KMT2A: variants seen among roughly 807,000 people sequenced by gnomAD.
KMT2A encodes histone-lysine N-methyltransferase 2A.
In KMT2A, 16 loss-of-function variants were observed where a neutral mutation model predicts 345.3. That is an observed-to-expected ratio of 0.05 (90% confidence interval 0.03 to 0.07). The LOEUF (loss-of-function observed/expected upper bound fraction) is 0.07, where lower values mean the gene tolerates loss of function less well. KMT2A is among the 10% of genes least tolerant of loss of function. The pLI, the probability that KMT2A is intolerant of heterozygous loss-of-function variation, is 1.00. For missense variants in KMT2A, 3,272 were observed against 4,841.6 expected (o/e 0.68, Z 9.62); for synonymous variants, 1,599 against 1,778.6 (o/e 0.90, Z 2.54).
chr11:118,452,316 G>T (rs998190379), intron 1 of KMT2A, among the ~76,000 whole-genome samples: 4 of 152,216 alleles, frequency 2.6e-5, no homozygotes, highest in South Asian at 4.1e-4. Context: ...AGGAAGGACC[G>T]CATGAGCTCA....
rs1370860637 is a variant in KMT2A at position 118,520,578 on chromosome 11, G to A, written c.11430-224G>A. On this transcript the variant is annotated intron_variant, in intron 33 of 35. Coordinates refer to ENST00000534358, the MANE Select transcript of KMT2A (RefSeq NM_001197104.2). This position sits in a 1 kb window ranked among gnomAD's most constrained non-coding sequence, Gnocchi z 4.3. ...AGGCAAGAGAATCGCTTGAACCCAG[G>A]AGGCGGAGGTTACAGTGAGCCGAGA... The A allele has an allele frequency of 3.8e-6, 2 of 523,606 alleles. No homozygotes were observed. The highest frequency in any genetic ancestry group is 6.9e-6 in the Non-Finnish European group (2 of 289,476). 32.4% of individuals were successfully genotyped at this position (523,606 alleles called of 1,614,324 possible).
At chr11:118,492,115 C>A (rs892838063) in intron 15 of KMT2A, among the ~76,000 whole-genome samples, 187 bp downstream of exon 15, 21 of 152,212 alleles carry the variant, frequency 1.4e-4, no homozygotes, top group African/African-American at 5.1e-4. Context: ...GGAGCTGTAT[C>A]TTCAAAGGTC....
Position 118,525,033 on chromosome 11 carries a change from C to A in KMT2A, c.*2861C>A. On this transcript the variant is annotated 3_prime_UTR_variant, in exon 36 of 36. Transcript: ENST00000534358. ...TCTAGCTCAGCCTTGAGTCCATTGC[C>A]AAATTTTCAGCACACCTGCCAGCAA... 4.7e-6 allele frequency: 1 copy of A among 213,714 alleles called. No individual in the cohort carries two copies. Among genetic ancestry groups the A allele is most frequent in the Non-Finnish European group, 9.5e-6 (1 of 105,434 alleles). 13.2% of individuals were successfully genotyped at this position (213,714 alleles called of 1,614,324 possible). A position where few individuals can be genotyped will look rare whatever the true frequency, so the allele number is the denominator to read the frequency against.
rs1950324106 is a variant in KMT2A at position 118,491,524 on chromosome 11, G to A, written c.4819+206G>A. On this transcript the variant is annotated intron_variant, in intron 14 of 35. Coordinates refer to ENST00000534358, the MANE Select transcript of KMT2A (RefSeq NM_001197104.2). The surrounding 1 kb of genome is among the most constrained non-coding windows in gnomAD (Gnocchi z 4.2). The stretch of plus-strand genomic sequence containing the variant: ...TTAAAGTATTTATTTGCTGTCCTTT[G>A]TGTGTTCCATAACCTGATTCTCAAT... Among the ~76,000 whole-genome samples the A allele has an allele frequency of 1.3e-5, 2 of 152,076 alleles. No homozygotes were observed. Among genetic ancestry groups the A allele is most frequent in the Non-Finnish European group, 2.9e-5 (2 of 68,002 alleles).
chr11:118,466,458 G>A (rs1949845684), intron 1 of KMT2A, among the ~76,000 whole-genome samples: 1 of 152,224 alleles, frequency 6.6e-6, no homozygotes, highest in Non-Finnish European at 1.5e-5. Context: ...TGCTGGCCAA[G>A]AGAGAATTTT....
chr11:118,467,060 T>C (rs546071196), intron 1 of KMT2A, among the ~76,000 whole-genome samples: 1 of 151,864 alleles, frequency 6.6e-6, no homozygotes, highest in Non-Finnish European at 1.5e-5. Context: ...TAAATTTAGG[T>C]TTCATACATT....
At chr11:118,481,694 G>A (rs1156443747) in intron 6 of KMT2A, 21 bp from the exon 7 acceptor site, 2 of 1,595,924 alleles carry the variant, frequency 1.3e-6, no homozygotes, top group Non-Finnish European at 1.7e-6. Context: ...GACAGATGAT[G>A]TTGTTGTGTT....
In KMT2A at chr11:118,503,211, T is replaced by C. The variant is rs781927823; in HGVS notation, c.7319T>C (p.Phe2440Ser). The C allele has an allele frequency of 6.2e-7, 1 of 1,614,052 alleles. No individual in the cohort carries two copies. Among genetic ancestry groups the C allele is most frequent in the Non-Finnish European group, 8.5e-7 (1 of 1,179,982 alleles). Residue 2440 changes from phenylalanine (F) to serine (S), a missense_variant, in exon 27 of 36, where the codon TTC (phenylalanine) becomes TCC (serine). Phe to Ser is a radical substitution (Grantham distance 155). Coordinates refer to ENST00000534358, the MANE Select transcript of KMT2A (RefSeq NM_001197104.2). This position sits in a 1 kb window ranked among gnomAD's most constrained non-coding sequence, Gnocchi z 5.3. ...GGGAAAAAATCCTGTAAAGAAACTT[T>C]CAAAGAAAAGCATTCCAGTAAATCT... ...QKGKKSCKETFKEKHSSKSFL... is the reference protein window; with the variant it reads ...QKGKKSCKETSKEKHSSKSFL...
At chr11:118,475,675 A>G (rs1461831818) in intron 3 of KMT2A, among the ~76,000 whole-genome samples, 3 of 152,112 alleles carry the variant, frequency 2.0e-5, no homozygotes, top group Non-Finnish European at 4.4e-5. Context: ...GTGAGCCGAG[A>G]TCACGGCACT....
In KMT2A at chr11:118,487,695, G is replaced by A. The variant is rs9332802; in HGVS notation, c.4333-919G>A. Among the ~76,000 whole-genome samples, 287 of 152,128 alleles carry A rather than the reference G, an allele frequency of 1.9e-3. 2 individuals are homozygous for A. The highest frequency in any genetic ancestry group is 0.014 in the Admixed American group (208 of 15,280). On this transcript the variant is annotated intron_variant, in intron 10 of 35. Coordinates refer to ENST00000534358, the MANE Select transcript of KMT2A (RefSeq NM_001197104.2). ...ATTTTTAAAAATCAAGGACGTTCTC[G>A]TATTTAACCATGGTATAATTACCAA...
chr11:118,461,791 T>G lies in KMT2A; in HGVS notation c.433-6984T>G, dbSNP rs543853325. ...TTTATACACATATTACTGTAGTCTT[T>G]TGATTTCTAGATAAGTTTAAATCCT... On this transcript the variant is annotated intron_variant, in intron 1 of 35. Transcript: ENST00000534358. Among the ~76,000 whole-genome samples, 3 of 152,338 alleles carry G rather than the reference T, an allele frequency of 2.0e-5. No homozygotes were observed. In the South Asian group the frequency reaches 6.2e-4, roughly 32 times the overall value.
chr11:118,505,990 C>T lies in KMT2A; in HGVS notation c.10098C>T (p.Thr3366=), dbSNP rs1484488899. 1.2e-6 allele frequency: 2 copies of T among 1,614,080 alleles called. No individual in the cohort carries two copies. The highest frequency in any genetic ancestry group is 1.7e-6 in the Non-Finnish European group (2 of 1,180,042). Residue 3366 remains threonine (T), a synonymous_variant, in exon 27 of 36, where the codon ACC becomes ACT. Transcript: ENST00000534358. The surrounding 1 kb of genome is among the most constrained non-coding windows in gnomAD (Gnocchi z 4.6). ...TSSASVPGHV[T]LTNPRLLGTP... ...GTGCGTCAGTTCCAGGACACGTCAC[C>T]TTAACCAACCCAAGGTTGCTTGGTA...
intron 10 of KMT2A, 112 bp from the exon 11 acceptor site, chr11:118,488,502 A>T: frequency 2.0e-6 from 2 of 1,021,930 alleles, no homozygotes; most frequent in South Asian, 1.3e-5. Context: ...GTATTGAATT[A>T]AATATATGCC....
rs193226713 is a variant in KMT2A, at chr11:118,469,902, G to C, written c.502+1058G>C. On this transcript the variant is annotated intron_variant, in intron 2 of 35. Coordinates refer to ENST00000534358, the MANE Select transcript of KMT2A (RefSeq NM_001197104.2). ...CATTCTAGTTGGGGGCAGTTGGCCA[G>C]TAGTGTCCCAGTATCTGTGCTATTC... 7.9e-5 allele frequency among the ~76,000 whole-genome samples: 12 copies of C among 152,338 alleles called. No individual in the cohort carries two copies. The East Asian group carries it at 2.3e-3, about 29-fold the overall frequency.
intron 3 of KMT2A, among the ~76,000 whole-genome samples, chr11:118,476,000 G>A (rs751867095): frequency 1.3e-5 from 2 of 152,068 alleles, no homozygotes; most frequent in Non-Finnish European, 2.9e-5. Flanking sequence ...CCGCCTCCCA[G>A]GTTCAAGCAA....
rs1349136472 is a variant in KMT2A, at chr11:118,525,622, GA to G, written c.*3459del. 1.8e-4 allele frequency: 40 copies of G among 218,406 alleles called. No individual in the cohort carries two copies. Among genetic ancestry groups the G allele is most frequent in the Middle Eastern group, 1.4e-3 (1 of 716 alleles). 13.5% of individuals were successfully genotyped at this position (218,406 alleles called of 1,614,324 possible). ...AAAAAATAAAAAATAAAAAAAAAAGGAAAAAAAAATACAACACACACACAAA... is the reference window on the plus strand; with the variant it reads ...AAAAAATAAAAAATAAAAAAAAAAGGAAAAAAAATACAACACACACACAAA... On this transcript the variant is annotated 3_prime_UTR_variant, in exon 36 of 36. Coordinates refer to ENST00000534358, the MANE Select transcript of KMT2A (RefSeq NM_001197104.2).
rs74713110 is a variant in KMT2A at position 118,499,146 on chromosome 11, C to T, written c.5962-157C>T. The stretch of plus-strand genomic sequence containing the variant: ...CTTTTCTACTTGGTGTTCCTAGAGG[C>T]ACCACCTCTTTTGGGAAATACAGAA... On this transcript the variant is annotated intron_variant, in intron 22 of 35. Transcript: ENST00000534358. Among the ~76,000 whole-genome samples, 264 of 152,322 alleles carry T rather than the reference C, an allele frequency of 1.7e-3. 6 individuals are homozygous for T. The East Asian group carries it at 0.048, about 28-fold the overall frequency.
rs781818062 is a variant in KMT2A at position 118,502,694 on chromosome 11, A to T, written c.6802A>T (p.Asn2268Tyr). The T allele has an allele frequency of 6.2e-7, 1 of 1,614,162 alleles. No homozygotes were observed. Among genetic ancestry groups the T allele is most frequent in the East Asian group, 2.2e-5 (1 of 44,888 alleles). ...AGGGCAAAACACTTCCACCTCTTCA[A>T]ATTTGCAAAGGACAGTGGTTACTGT... is the stretch of plus-strand genomic sequence containing the variant. ...SLGQNTSTSS[N>Y]LQRTVVTVGN... Residue 2268 changes from asparagine (N) to tyrosine (Y), a missense_variant, in exon 27 of 36, where the codon AAT (asparagine) becomes TAT (tyrosine). Physicochemically the swap from Asn to Tyr is moderately radical, Grantham distance 143 (BLOSUM62 -2). This residue lies in a region of KMT2A where 445 missense variants were observed against 500.9 expected (regional missense o/e 0.89). Transcript: ENST00000534358. This position sits in a 1 kb window ranked among gnomAD's most constrained non-coding sequence, Gnocchi z 4.9.
At position 118,525,899 on chromosome 11, in the gene KMT2A, G is replaced by A. The variant is rs1342120551; in HGVS notation, c.*3727G>A. 1 of 221,902 alleles carries A rather than the reference G, an allele frequency of 4.5e-6. No individual in the cohort carries two copies. The highest frequency in any genetic ancestry group is 6.6e-5 in the East Asian group (1 of 15,206). 13.7% of individuals were successfully genotyped at this position (221,902 alleles called of 1,614,324 possible). A position where few individuals can be genotyped will look rare whatever the true frequency, so the allele number is the denominator to read the frequency against. On this transcript the variant is annotated 3_prime_UTR_variant, in exon 36 of 36. Transcript: ENST00000534358. Reference sequence around the variant, plus strand: ...ACAAGGTTATGGAGCAGATGGTTTTGTGCCGAATCATGAATACTAGTCAAG... The same window carrying A: ...ACAAGGTTATGGAGCAGATGGTTTTATGCCGAATCATGAATACTAGTCAAG...
Sources: allele counts gnomAD v4.1 joint callset (sites outside exome capture counted in the v4.1 genomes callset), GRCh38; gene constraint gnomAD v4.1.1; regional missense constraint gnomAD v4.1.1; non-coding constraint Gnocchi (gnomAD v3.1); transcripts MANE v1.5; gene names NCBI Gene and HGNC (gene_info 2026-07-23, HGNC 2026-07-21).